Variants in CDH18 observed in about 807,000 individuals in gnomAD.
CDH18 encodes cadherin 18, also known as cadherin-18.
Under a neutral mutation model 67.9 loss-of-function variants are expected in CDH18, and 31 were observed. That is an observed-to-expected ratio of 0.46 (90% CI 0.34 to 0.62). The LOEUF is 0.62. CDH18 is among the 20% of genes least tolerant of loss of function. The pLI, the probability that CDH18 is intolerant of heterozygous loss-of-function variation, is 0.01. For missense variants in CDH18, 890 were observed against 975.5 expected, an observed-to-expected ratio of 0.91 and a Z score of 1.17; for synonymous variants, 362 against 347.2, an observed-to-expected ratio of 1.04 and a Z score of -0.48.
chr5:19,932,551 C>G (rs533736009), intron 2 of CDH18, among the ~76,000 whole-genome samples: 10 of 151,582 alleles, frequency 6.6e-5, no homozygotes, highest in African/African-American at 2.2e-4. Flanking sequence ...TAATTACAAT[C>G]CGCCCCTCTC....
chr5:20,130,310 C>T (rs1362908096), intron 2 of CDH18, among the ~76,000 whole-genome samples: 2 of 151,222 alleles, frequency 1.3e-5, no homozygotes, highest in Non-Finnish European at 2.9e-5. Flanking sequence ...GTTCAAAATC[C>T]TCTGGGCAGT....
At chr5:19,505,377 G>C (rs190632442) in intron 10 of CDH18, among the ~76,000 whole-genome samples, 5 of 152,120 alleles carry the variant, frequency 3.3e-5, no homozygotes, top group African/African-American at 1.2e-4. Flanking sequence ...GGTGAGAAAG[G>C]GCATCCCTGT....
At chr5:19,701,843 A>G (rs1204488763) in intron 5 of CDH18, among the ~76,000 whole-genome samples, 4 of 152,166 alleles carry the variant, frequency 2.6e-5, no homozygotes, top group Non-Finnish European at 4.4e-5. Flanking sequence ...ATTATCTAAA[A>G]CCAGCATCTG....
intron 2 of CDH18, among the ~76,000 whole-genome samples, chr5:20,132,646 G>C (rs190842525): frequency 6.6e-6 from 1 of 151,956 alleles, no homozygotes; most frequent in Admixed American, 6.6e-5. Context: ...ATTTTTATTA[G>C]TTACTCTGGA....
rs2136126 is a variant in CDH18 at position 19,909,415 on chromosome 5, T to C, written c.-256-70173A>G. Among the ~76,000 whole-genome samples the C allele has an allele frequency of 4.8e-4, 72 of 151,154 alleles. No individual in the cohort carries two copies. The East Asian group carries it at 0.011, about 23-fold the overall frequency. ...CCCGGGTTCAAGTGATTCTCCTGACTCAGCCTCCCGAGTAGCTGGAATTAC... is the reference window on the plus strand; with the variant it reads ...CCCGGGTTCAAGTGATTCTCCTGACCCAGCCTCCCGAGTAGCTGGAATTAC... On this transcript the variant is annotated intron_variant, in intron 2 of 12. Coordinates refer to ENST00000382275, the MANE Select transcript of CDH18 (RefSeq NM_004934.5).
intron 2 of CDH18, among the ~76,000 whole-genome samples, chr5:20,060,692 T>C (rs952758064): frequency 6.6e-6 from 1 of 152,150 alleles, no homozygotes; most frequent in Admixed American, 6.5e-5. Flanking sequence ...ATATTTGAAA[T>C]TAAATTGTCC....
At chr5:19,845,977 T>C (rs182353867) in intron 2 of CDH18, among the ~76,000 whole-genome samples, 1 of 152,172 alleles carries the variant, frequency 6.6e-6, no homozygotes, top group East Asian at 1.9e-4. Flanking sequence ...ATTTTTTGAT[T>C]TGGAAATTTA....
Position 20,478,311 on chromosome 5 carries a change from A to G in CDH18, c.-580+97151T>C, listed in dbSNP as rs73764407. 4.9e-3 allele frequency among the ~76,000 whole-genome samples: 744 copies of G among 152,240 alleles called. 4 individuals are homozygous for G. The highest frequency in any genetic ancestry group is 0.017 in the African/African-American group (693 of 41,558). On this transcript the variant is annotated intron_variant, in intron 1 of 14. Transcript: ENST00000507958. Reference sequence around the variant, plus strand: ...ACAAAGTTGGCTCCTGGGGTCCCCAATTCAAGGCCTTGGTTCCAGGATGAC... The same window carrying G: ...ACAAAGTTGGCTCCTGGGGTCCCCAGTTCAAGGCCTTGGTTCCAGGATGAC...
chr5:20,447,515 C>T (rs1309198880), intron 1 of CDH18, among the ~76,000 whole-genome samples: 1 of 152,172 alleles, frequency 6.6e-6, no homozygotes, highest in Non-Finnish European at 1.5e-5. Flanking sequence ...GACCAATTCT[C>T]ACTAGCCAGT....
chr5:19,912,488 AC>A (rs1485534005), intron 2 of CDH18, among the ~76,000 whole-genome samples: 2 of 152,184 alleles, frequency 1.3e-5, no homozygotes, highest in Non-Finnish European at 2.9e-5. Context: ...ATAAAATCAA[AC>A]CATTTTCTGA....
intron 5 of CDH18, among the ~76,000 whole-genome samples, chr5:19,661,206 T>C (rs949100892): frequency 6.6e-5 from 10 of 152,028 alleles, no homozygotes; most frequent in African/African-American, 2.4e-4. Flanking sequence ...CTTTTACTTT[T>C]TGAGTTTCCA....
chr5:19,620,798 T>C (rs184231549), intron 5 of CDH18, among the ~76,000 whole-genome samples: 1 of 152,290 alleles, frequency 6.6e-6, no homozygotes, highest in East Asian at 1.9e-4. Context: ...ATAATCATAC[T>C]GATAAAATCA....
chr5:19,706,242 A>G (rs1485980459), intron 5 of CDH18, among the ~76,000 whole-genome samples: 3 of 152,188 alleles, frequency 2.0e-5, no homozygotes, highest in African/African-American at 7.2e-5. Flanking sequence ...ACCCTTTTAC[A>G]TCACTCATAT....
At chr5:20,211,464 C>T (rs1407917099) in intron 2 of CDH18, among the ~76,000 whole-genome samples, 4 of 152,244 alleles carry the variant, frequency 2.6e-5, no homozygotes, top group East Asian at 1.9e-4. Flanking sequence ...CCTGACCCCC[C>T]GAGTAGCCTA....
chr5:19,888,154 C>A (rs1244346806), intron 2 of CDH18, among the ~76,000 whole-genome samples: 3 of 152,060 alleles, frequency 2.0e-5, no homozygotes, highest in African/African-American at 7.2e-5. Context: ...AGCCCTCTAC[C>A]CTTTTCTTCT....
intron 1 of CDH18, chr5:20,304,438 T>C (rs1736235638): frequency 1.3e-6 from 2 of 1,501,200 alleles, no homozygotes; most frequent in Admixed American, 1.7e-5. Context: ...GATTCTCTTC[T>C]TCATCTCCAC....
At chr5:20,515,844 C>T (rs969212002) in intron 1 of CDH18, among the ~76,000 whole-genome samples, 2 of 152,010 alleles carry the variant, frequency 1.3e-5, no homozygotes, top group Non-Finnish European at 2.9e-5. Context: ...CTTACTTTCG[C>T]ATCTATGAAC....
chr5:19,599,576 T>C (rs1334636298), intron 6 of CDH18, among the ~76,000 whole-genome samples: 1 of 151,738 alleles, frequency 6.6e-6, no homozygotes, highest in East Asian at 1.9e-4. Context: ...CGATATTTCA[T>C]CTGATTTGTG....
At chr5:20,234,101 G>A (rs976827175) in intron 2 of CDH18, among the ~76,000 whole-genome samples, 3 of 152,150 alleles carry the variant, frequency 2.0e-5, no homozygotes, top group Admixed American at 1.3e-4. Flanking sequence ...ATTTTCAAGT[G>A]AGGCAGTCCT....
Sources: allele counts gnomAD v4.1 joint callset (sites outside exome capture counted in the v4.1 genomes callset), GRCh38; gene constraint gnomAD v4.1.1; transcripts MANE v1.5; gene names NCBI Gene and HGNC (gene_info 2026-07-23, HGNC 2026-07-21).